RGS7: variants seen among roughly 807,000 people sequenced by gnomAD.
The protein encoded by RGS7 is regulator of G-protein signaling 7.
RGS7 carries 27 observed loss-of-function variants against 81.1 expected under a neutral mutation model. That is an observed-to-expected ratio of 0.33 (90% CI 0.25 to 0.46). The LOEUF (loss-of-function observed/expected upper bound fraction) is 0.46. RGS7 is among the 20% of genes least tolerant of loss of function. RGS7 has a pLI of 1.00. For missense variants in RGS7, 396 were observed against 607.4 expected, an observed-to-expected ratio of 0.65 and a Z score of 3.66; for synonymous variants, 208 against 207.7, an observed-to-expected ratio of 1.00 and a Z score of -0.01.
chr1:240,956,641 T>C (rs1173286940), intron 4 of RGS7, among the ~76,000 whole-genome samples: 4 of 152,150 alleles, frequency 2.6e-5, no homozygotes, highest in Admixed American at 2.0e-4. Flanking sequence ...AGCAGTGATG[T>C]CATGTTTATA....
At chr1:240,849,071 T>C (rs1659620009) in intron 9 of RGS7, among the ~76,000 whole-genome samples, 1 of 152,172 alleles carries the variant, frequency 6.6e-6, no homozygotes, top group South Asian at 2.1e-4. Flanking sequence ...CTAGCATATT[T>C]CAATGATAAT....
At chr1:241,348,137 C>T (rs535813133) in intron 2 of RGS7, among the ~76,000 whole-genome samples, 25 of 152,252 alleles carry the variant, frequency 1.6e-4, no homozygotes, top group Non-Finnish European at 3.5e-4. Flanking sequence ...ATAACACTCA[C>T]CACATTTCAG....
intron 2 of RGS7, among the ~76,000 whole-genome samples, chr1:241,182,576 A>G (rs970284130): frequency 6.6e-6 from 1 of 150,846 alleles, no homozygotes. Context: ...AAAATTGAGT[A>G]TTCATCCCGT....
chr1:241,280,464 T>C (rs531193709), intron 2 of RGS7, among the ~76,000 whole-genome samples: 15 of 152,346 alleles, frequency 9.8e-5, no homozygotes, highest in Middle Eastern at 3.4e-3. Flanking sequence ...ACAGAACTAC[T>C]GCCAGTAAAG....
intron 5 of RGS7, among the ~76,000 whole-genome samples, chr1:240,931,292 G>C (rs768906289): frequency 7.9e-4 from 120 of 152,174 alleles, no homozygotes; most frequent in Non-Finnish European, 1.5e-3. Context: ...TGTCCAATGA[G>C]ATTAAAGCAA....
intron 3 of RGS7, among the ~76,000 whole-genome samples, chr1:241,007,563 A>G (rs527541916): frequency 1.3e-5 from 2 of 152,200 alleles, no homozygotes; most frequent in Non-Finnish European, 1.5e-5. Context: ...ATTTAGGTAG[A>G]AACAGAGTCA....
intron 3 of RGS7, among the ~76,000 whole-genome samples, chr1:241,063,098 C>T (rs954427853): frequency 1.3e-5 from 2 of 152,138 alleles, no homozygotes; most frequent in Admixed American, 6.5e-5. Context: ...TTGATGTTTG[C>T]TTTGTTTGGT....
rs149856679 is a variant in RGS7, at chr1:241,306,236, C to T, written c.78+49463G>A. ...CAACACAAGCACACACTACTACACA[C>T]CCTCACACACATAAGCACACATGTC... On this transcript the variant is annotated intron_variant, in intron 2 of 18. Coordinates refer to ENST00000440928, the MANE Select transcript of RGS7 (RefSeq NM_001364886.1). Among the ~76,000 whole-genome samples, 593 of 151,122 alleles carry T rather than the reference C, an allele frequency of 3.9e-3. 1 individual carries two copies. Among genetic ancestry groups the T allele is most frequent in the African/African-American group, 0.013 (552 of 41,136 alleles).
intron 3 of RGS7, among the ~76,000 whole-genome samples, chr1:241,023,413 T>G (rs1335256109): frequency 4.6e-5 from 7 of 152,198 alleles, no homozygotes; most frequent in African/African-American, 1.7e-4. Context: ...ACCATTCCTT[T>G]GAAAAGTCAT....
intron 3 of RGS7, among the ~76,000 whole-genome samples, chr1:241,045,629 G>C (rs2060883681): frequency 6.6e-6 from 1 of 152,156 alleles, no homozygotes; most frequent in African/African-American, 2.4e-5. Flanking sequence ...CTCCCAAACT[G>C]CTGGGATTAC....
At chr1:241,294,047 C>T (rs1238914735) in intron 2 of RGS7, among the ~76,000 whole-genome samples, 1 of 152,182 alleles carries the variant, frequency 6.6e-6, no homozygotes, top group Non-Finnish European at 1.5e-5. Flanking sequence ...ACCCAAATCC[C>T]CATCGGTGAT....
intron 2 of RGS7, among the ~76,000 whole-genome samples, chr1:241,194,850 C>T (rs1284896186): frequency 6.6e-6 from 1 of 152,114 alleles, no homozygotes; most frequent in Non-Finnish European, 1.5e-5. Context: ...ATTTAAAAGT[C>T]GCACTGAGAA....
At chr1:240,795,378 G>C (rs578253665) in intron 18 of RGS7, among the ~76,000 whole-genome samples, 1 of 152,290 alleles carries the variant, frequency 6.6e-6, no homozygotes, top group East Asian at 1.9e-4. Flanking sequence ...TGTCATTAAT[G>C]TGTAACACAC....
At chr1:240,824,660 G>A (rs1012054175) in intron 10 of RGS7, among the ~76,000 whole-genome samples, 3 of 152,180 alleles carry the variant, frequency 2.0e-5, no homozygotes, top group South Asian at 2.1e-4. Flanking sequence ...CACGAATCAC[G>A]TACACTCCCT....
At chr1:241,195,706 C>G (rs1426498474) in intron 2 of RGS7, among the ~76,000 whole-genome samples, 1 of 151,716 alleles carries the variant, frequency 6.6e-6, no homozygotes, top group Non-Finnish European at 1.5e-5. Context: ...AAATTAAGAA[C>G]TTTACAGATA....
chr1:240,909,900 G>A (rs1489664261), intron 6 of RGS7, among the ~76,000 whole-genome samples: 1 of 152,052 alleles, frequency 6.6e-6, no homozygotes, highest in Non-Finnish European at 1.5e-5. Flanking sequence ...TATTGCAACT[G>A]GCCATTAAAT....
intron 2 of RGS7, among the ~76,000 whole-genome samples, chr1:241,161,112 G>A (rs191473769): frequency 6.6e-6 from 1 of 152,236 alleles, no homozygotes. Flanking sequence ...TTCAGGAGGA[G>A]TTTTAAAATA....
At chr1:240,887,231 T>G (rs4047367) in intron 6 of RGS7, among the ~76,000 whole-genome samples, 52,208 of 147,414 alleles carry the variant, frequency 0.35, 9,892 homozygotes, top group East Asian at 0.5. Context: ...TATAGGTTTT[T>G]TTTTTTTTTT....
chr1:240,956,387 A>C (rs889764110), intron 4 of RGS7, among the ~76,000 whole-genome samples: 2 of 45,844 alleles, frequency 4.4e-5, no homozygotes, highest in Admixed American at 3.4e-4. Flanking sequence ...AAACAAAAAA[A>C]CAAAAAAAAA....
Sources: gnomAD v4.1 joint callset for allele counts (sites outside exome capture counted in the v4.1 genomes callset) on GRCh38, gnomAD v4.1.1 for gene constraint, MANE v1.5 for transcripts, NCBI Gene and HGNC (gene_info 2026-07-23, HGNC 2026-07-21) for gene names.